Variants in ST8SIA6 observed in about 807,000 individuals in gnomAD.
ST8SIA6 encodes alpha-2,8-sialyltransferase 8F.
In ST8SIA6, 39 loss-of-function variants were observed where a neutral mutation model predicts 33.6. The ratio of observed to expected loss-of-function variants is 1.16; its 90% CI spans 0.90 to 1.52. ST8SIA6 has a LOEUF of 1.52. Ranked by LOEUF, ST8SIA6 falls within the 40% of genes most tolerant of loss-of-function variation. The pLI is 0.00. For synonymous variants in ST8SIA6, 172 were observed against 167.2 expected (o/e 1.03, Z -0.22); for missense variants, 441 against 443.8 (o/e 0.99, Z 0.06).
At chr10:17,338,745 A>T (rs1848583514) in intron 4 of ST8SIA6, among the ~76,000 whole-genome samples, 1 of 152,176 alleles carries the variant, frequency 6.6e-6, no homozygotes, top group Non-Finnish European at 1.5e-5. Context: ...CCTAAAATAA[A>T]TTGAAAAGAA....
At chr10:17,405,229 G>A (rs1362076562) in intron 2 of ST8SIA6, among the ~76,000 whole-genome samples, 3 of 151,938 alleles carry the variant, frequency 2.0e-5, no homozygotes, top group African/African-American at 7.3e-5. Flanking sequence ...AAAATAGCCA[G>A]GCATGGTAGT....
chr10:17,391,416 A>G (rs1198293079), intron 2 of ST8SIA6, among the ~76,000 whole-genome samples: 2 of 151,784 alleles, frequency 1.3e-5, no homozygotes, highest in Non-Finnish European at 2.9e-5. Context: ...GCCTGCCACC[A>G]TGCCCGGCTA....
At chr10:17,362,377 T>C (rs1392132728) in intron 3 of ST8SIA6, among the ~76,000 whole-genome samples, 2 of 152,224 alleles carry the variant, frequency 1.3e-5, no homozygotes, top group Non-Finnish European at 2.9e-5. Context: ...TTTTCAATGA[T>C]GCTATAACTA....
In ST8SIA6 at chr10:17,437,644, TC is replaced by T. The variant is rs1564464566; in HGVS notation, c.200+15914del. 1.2e-3 allele frequency among the ~76,000 whole-genome samples: 171 copies of T among 139,340 alleles called. 1 individual carries two copies. The highest frequency in any genetic ancestry group is 3.5e-3 in the Middle Eastern group (1 of 288). The allele number at this position is 139,340 out of a possible 152,430, so 91.4% of individuals were successfully genotyped here. ...TTCCTTCCTTCCTTCCTTCCTTCCT[TC>T]CTTCCTTCCTTCCTTCCTTCTGTCT... On this transcript the variant is annotated intron_variant, in intron 2 of 7. Coordinates refer to ENST00000377602, the MANE Select transcript of ST8SIA6 (RefSeq NM_001004470.3).
intron 5 of ST8SIA6, among the ~76,000 whole-genome samples, 185 bp from the exon 6 acceptor site, chr10:17,327,311 G>A (rs1330689724): frequency 6.6e-6 from 1 of 152,198 alleles, no homozygotes; most frequent in East Asian, 1.9e-4. Flanking sequence ...CTGGGGCTGG[G>A]CGCAGTGGCT....
chr10:17,319,355 T>G lies in ST8SIA6; in HGVS notation c.*1523A>C, dbSNP rs554740768. Among the ~76,000 whole-genome samples the G allele has an allele frequency of 1.3e-5, 2 of 152,190 alleles. No homozygotes were observed. Among genetic ancestry groups the G allele is most frequent in the African/African-American group, 2.4e-5 (1 of 41,466 alleles). ...TGACTATAACACACTTTATGAAATC[T>G]CGGGGTGTCTGTTTAGCCAAAGATT... On this transcript the variant is annotated 3_prime_UTR_variant, in exon 8 of 8. Transcript: ENST00000377602.
intron 2 of ST8SIA6, among the ~76,000 whole-genome samples, chr10:17,447,725 T>A (rs904535723): frequency 6.6e-6 from 1 of 152,134 alleles, no homozygotes; most frequent in Non-Finnish European, 1.5e-5. Context: ...AAAAAGTGTA[T>A]AATAAAATAA....
chr10:17,396,962 C>T lies in ST8SIA6; in HGVS notation c.201-6342G>A, dbSNP rs1302922504. 2.0e-5 allele frequency among the ~76,000 whole-genome samples: 3 copies of T among 152,178 alleles called. No homozygotes were observed. The East Asian group carries it at 5.8e-4, about 29-fold the overall frequency. On this transcript the variant is annotated intron_variant, in intron 2 of 7. Transcript: ENST00000377602. Reference sequence around the variant, plus strand: ...TCCACCACAGTCCTCTCTTCTTGTCCTTTGACCTCTGACTACTACTCAGGG... The same window carrying T: ...TCCACCACAGTCCTCTCTTCTTGTCTTTTGACCTCTGACTACTACTCAGGG...
At chr10:17,388,547 GAA>G (rs1352943761) in intron 3 of ST8SIA6, among the ~76,000 whole-genome samples, 7 of 152,174 alleles carry the variant, frequency 4.6e-5, no homozygotes, top group African/African-American at 1.7e-4. Flanking sequence ...ATTAGGAAGA[GAA>G]AGTGAAAAAC....
At chr10:17,444,574 G>A (rs7086565) in intron 2 of ST8SIA6, among the ~76,000 whole-genome samples, 6,323 of 152,242 alleles carry the variant, frequency 0.042, 214 homozygotes, top group Non-Finnish European at 0.062. Flanking sequence ...TCCTGTGCAC[G>A]TGAAAAGACA....
intron 3 of ST8SIA6, among the ~76,000 whole-genome samples, chr10:17,379,852 A>T (rs1588862886): frequency 1.3e-5 from 2 of 152,224 alleles, no homozygotes; most frequent in South Asian, 4.1e-4. Flanking sequence ...TTCTAAATTA[A>T]CTGAGATCTG....
chr10:17,369,163 C>T (rs1009636145), intron 3 of ST8SIA6, among the ~76,000 whole-genome samples: 2 of 152,128 alleles, frequency 1.3e-5, no homozygotes, highest in Admixed American at 1.3e-4. Context: ...TTCACAGATA[C>T]GTTCAAACAT....
intron 4 of ST8SIA6, among the ~76,000 whole-genome samples, chr10:17,347,771 T>C (rs2131604320): frequency 6.6e-6 from 1 of 151,924 alleles, no homozygotes; most frequent in East Asian, 1.9e-4. Context: ...CTGTCTCTAC[T>C]AAAAATACAA....
At chr10:17,379,004 T>C (rs994578873) in intron 3 of ST8SIA6, among the ~76,000 whole-genome samples, 1 of 151,960 alleles carries the variant, frequency 6.6e-6, no homozygotes, top group Non-Finnish European at 1.5e-5. Flanking sequence ...CAGGCGCCTG[T>C]AGTCCCAGCT....
At chr10:17,397,589 C>T (rs1442856942) in intron 2 of ST8SIA6, among the ~76,000 whole-genome samples, 2 of 152,182 alleles carry the variant, frequency 1.3e-5, no homozygotes, top group Admixed American at 6.5e-5. Context: ...CCATCCCCAT[C>T]GCTCTTGAGA....
intron 3 of ST8SIA6, among the ~76,000 whole-genome samples, chr10:17,385,541 C>T (rs568089048): frequency 6.7e-6 from 1 of 150,054 alleles, no homozygotes; most frequent in African/African-American, 2.5e-5. Flanking sequence ...TGGAAAATGA[C>T]AGTTAAAGGG....
chr10:17,399,449 CAA>C (rs771293516), intron 2 of ST8SIA6, among the ~76,000 whole-genome samples: 9 of 152,180 alleles, frequency 5.9e-5, no homozygotes, highest in Non-Finnish European at 1.3e-4. Flanking sequence ...CTTTTATACA[CAA>C]ACATTGCAGG....
At chr10:17,418,339 T>C (rs1851666943) in intron 2 of ST8SIA6, among the ~76,000 whole-genome samples, 1 of 151,978 alleles carries the variant, frequency 6.6e-6, no homozygotes, top group South Asian at 2.1e-4. Context: ...TGTGCCACCA[T>C]GTGCAGCCTG....
At chr10:17,398,019 G>C (rs1564444544) in intron 2 of ST8SIA6, among the ~76,000 whole-genome samples, 2 of 152,166 alleles carry the variant, frequency 1.3e-5, no homozygotes, top group Admixed American at 1.3e-4. Context: ...AATGGCTACT[G>C]CCAAGTAAGA....
Sources: allele counts gnomAD v4.1 joint callset (sites outside exome capture counted in the v4.1 genomes callset), GRCh38; gene constraint gnomAD v4.1.1; transcripts MANE v1.5; gene names NCBI Gene and HGNC (gene_info 2026-07-23, HGNC 2026-07-21).